The following CTNND2 variants were observed in gnomAD, a reference collection of about 807,000 sequenced individuals.
CTNND2 encodes catenin delta-2.
Under a neutral mutation model 144.4 loss-of-function variants are expected in CTNND2, and 22 were observed. The observed-to-expected ratio is 0.15, with a 90% CI of 0.11 to 0.22. CTNND2 has a LOEUF of 0.22. CTNND2 is among the 10% of genes least tolerant of loss of function. CTNND2 has a pLI of 1.00. For synonymous variants in CTNND2, 751 were observed against 695.6 expected (o/e 1.08, Z -1.25); for missense variants, 1,353 against 1,618.8 (o/e 0.84, Z 2.82).
chr5:11,145,816 T>TC (rs1757186449), intron 12 of CTNND2, among the ~76,000 whole-genome samples: 1 of 152,092 alleles, frequency 6.6e-6, no homozygotes, highest in Admixed American at 6.5e-5. Context: ...GTCTTAACAA[T>TC]CAGCTCCCAA....
chr5:11,856,665 C>A (rs1435067788), intron 1 of CTNND2, among the ~76,000 whole-genome samples: 3 of 152,120 alleles, frequency 2.0e-5, no homozygotes, highest in Admixed American at 6.6e-5. Flanking sequence ...TCAAATAGCA[C>A]CCCAGGTTTA....
intron 5 of CTNND2, among the ~76,000 whole-genome samples, chr5:11,401,192 A>T (rs1298323145): frequency 6.6e-6 from 1 of 152,144 alleles, no homozygotes; most frequent in Non-Finnish European, 1.5e-5. Context: ...CAATACAGAC[A>T]CTATATAACA....
At chr5:11,468,120 T>C (rs542902964) in intron 3 of CTNND2, among the ~76,000 whole-genome samples, 1 of 152,174 alleles carries the variant, frequency 6.6e-6, no homozygotes, top group African/African-American at 2.4e-5. Context: ...GAAGGGCAAA[T>C]GAGACTCAAG....
chr5:11,669,952 T>C (rs1053558125), intron 2 of CTNND2, among the ~76,000 whole-genome samples: 2 of 152,230 alleles, frequency 1.3e-5, no homozygotes, highest in African/African-American at 4.8e-5. Flanking sequence ...ACATTATGTC[T>C]TTGTTCTCAC....
intron 9 of CTNND2, among the ~76,000 whole-genome samples, chr5:11,245,136 C>T (rs967842326): frequency 6.6e-6 from 1 of 152,108 alleles, no homozygotes; most frequent in Non-Finnish European, 1.5e-5. Flanking sequence ...TGAACAAAGG[C>T]GAAAAGGGGC....
chr5:11,263,906 A>G (rs1745174214), intron 9 of CTNND2, among the ~76,000 whole-genome samples: 1 of 152,202 alleles, frequency 6.6e-6, no homozygotes, highest in African/African-American at 2.4e-5. Flanking sequence ...GCTCAGATGC[A>G]GTGGATTAGG....
chr5:11,079,531 A>T (rs1414476209), intron 16 of CTNND2, among the ~76,000 whole-genome samples: 1 of 152,144 alleles, frequency 6.6e-6, no homozygotes, highest in Non-Finnish European at 1.5e-5. Context: ...CCACCTACAG[A>T]GGGAGGCATC....
chr5:11,890,369 A>G (rs777163551), intron 1 of CTNND2, among the ~76,000 whole-genome samples: 1 of 152,224 alleles, frequency 6.6e-6, no homozygotes, highest in Non-Finnish European at 1.5e-5. Flanking sequence ...TGAGGATGCC[A>G]GGACATCCAT....
At chr5:11,611,923 A>C (rs765839121) in intron 2 of CTNND2, among the ~76,000 whole-genome samples, 1 of 152,198 alleles carries the variant, frequency 6.6e-6, no homozygotes, top group African/African-American at 2.4e-5. Context: ...CCAGACTCTG[A>C]GCTCTTTGAG....
At chr5:11,182,379 G>A (rs1029677364) in intron 11 of CTNND2, among the ~76,000 whole-genome samples, 1 of 151,960 alleles carries the variant, frequency 6.6e-6, no homozygotes, top group Non-Finnish European at 1.5e-5. Flanking sequence ...CTAAGAGTGT[G>A]CACACCTGTA....
intron 11 of CTNND2, among the ~76,000 whole-genome samples, chr5:11,177,595 G>T (rs1425400728): frequency 1.3e-5 from 2 of 151,840 alleles, no homozygotes; most frequent in Admixed American, 1.3e-4. Context: ...TCACCTCCTG[G>T]AGACTAAAAA....
chr5:11,855,554 GAAAAACAAAAT>G (rs1795212743), intron 1 of CTNND2, among the ~76,000 whole-genome samples: 1 of 152,068 alleles, frequency 6.6e-6, no homozygotes, highest in African/African-American at 2.4e-5. Flanking sequence ...CTTATTAGGT[GAAAAACAAAAT>G]CTAAAGATAA....
intron 7 of CTNND2, among the ~76,000 whole-genome samples, chr5:11,367,938 C>T (rs1757131076): frequency 6.6e-6 from 1 of 152,220 alleles, no homozygotes. Context: ...ACAATTCCTA[C>T]ATCATCCAGC....
chr5:11,283,996 C>T lies in CTNND2; in HGVS notation c.1629-47173G>A, dbSNP rs572142636. Among the ~76,000 whole-genome samples the T allele has an allele frequency of 3.3e-5, 5 of 152,274 alleles. No individual in the cohort carries two copies. In the South Asian group the frequency reaches 1.0e-3, roughly 32 times the overall value. The stretch of plus-strand genomic sequence containing the variant: ...TCTTCAACATGTGGGCTATTAGCAA[C>T]CACCACCATAAAACTGTTTCTCAAT... On this transcript the variant is annotated intron_variant, in intron 9 of 21. Coordinates refer to ENST00000304623, the MANE Select transcript of CTNND2 (RefSeq NM_001332.4).
chr5:11,700,771 A>G (rs1045400033), intron 2 of CTNND2, among the ~76,000 whole-genome samples: 7 of 152,198 alleles, frequency 4.6e-5, no homozygotes, highest in African/African-American at 1.4e-4. Flanking sequence ...GTAGCTGAGG[A>G]AAAGAAGAGA....
chr5:11,703,131 T>C (rs950719442), intron 2 of CTNND2, among the ~76,000 whole-genome samples: 1 of 152,168 alleles, frequency 6.6e-6, no homozygotes, highest in Non-Finnish European at 1.5e-5. Context: ...TCCATCCAAA[T>C]AGGCTAAGAG....
At chr5:11,453,335 G>A (rs149664329) in intron 3 of CTNND2, among the ~76,000 whole-genome samples, 182 of 152,278 alleles carry the variant, frequency 1.2e-3, no homozygotes, top group East Asian at 3.9e-4. Context: ...TGACATATGC[G>A]GCTGCAGCAC....
intron 10 of CTNND2, among the ~76,000 whole-genome samples, chr5:11,225,955 A>T (rs893417723): frequency 7.2e-5 from 11 of 152,214 alleles, no homozygotes; most frequent in Non-Finnish European, 1.6e-4. Context: ...CCTAGAGGAG[A>T]TGGCCATGTG....
chr5:11,673,866 CAG>C (rs1387499086), intron 2 of CTNND2, among the ~76,000 whole-genome samples: 1 of 152,152 alleles, frequency 6.6e-6, no homozygotes, highest in Non-Finnish European at 1.5e-5. Context: ...ATCAGAGCCA[CAG>C]AGAGAGTGAA....
Sources: allele counts gnomAD v4.1 joint callset (sites outside exome capture counted in the v4.1 genomes callset), GRCh38; gene constraint gnomAD v4.1.1; transcripts MANE v1.5; gene names NCBI Gene and HGNC (gene_info 2026-07-23, HGNC 2026-07-21).